The following VGLL4 variants were observed in gnomAD, a reference collection of about 807,000 sequenced individuals.
The protein encoded by VGLL4 is vestigial like family member 4.
A neutral mutation model predicts 21.0 loss-of-function variants in VGLL4; 7 were observed. That is an observed-to-expected ratio of 0.33 (90% CI 0.19 to 0.63). The LOEUF is 0.63. Ranked by LOEUF, VGLL4 falls within the 20% of genes least tolerant of loss-of-function variation. The pLI is 0.78. For synonymous variants in VGLL4, 222 were observed against 173.2 expected (o/e 1.28, Z -2.21); for missense variants, 394 against 425.7 (o/e 0.93, Z 0.66).
At chr3:11,589,354 T>A (rs2074431745) in intron 2 of VGLL4, among the ~76,000 whole-genome samples, 1 of 152,022 alleles carries the variant, frequency 6.6e-6, no homozygotes, top group Non-Finnish European at 1.5e-5. Flanking sequence ...TTCCTCAATT[T>A]CTCTGGCCTC....
At chr3:11,697,273 GTT>G (rs376466335) in intron 2 of VGLL4, among the ~76,000 whole-genome samples, 12 of 137,250 alleles carry the variant, frequency 8.7e-5, no homozygotes, top group Non-Finnish European at 7.9e-5. Context: ...GCTAATTGTG[GTT>G]TTTTTTTTTT....
chr3:11,716,168 G>T (rs775444166), intron 1 of VGLL4, among the ~76,000 whole-genome samples: 4 of 151,938 alleles, frequency 2.6e-5, no homozygotes, highest in Non-Finnish European at 4.4e-5. Context: ...CAGGTGTGGT[G>T]GTGGGTGCCT....
intron 2 of VGLL4, chr3:11,702,865 C>G (rs573010384): frequency 3.8e-6 from 4 of 1,060,248 alleles, no homozygotes; most frequent in African/African-American, 1.6e-5. Flanking sequence ...AAATTAACAG[C>G]AAATAGCCAG....
At chr3:11,581,097 T>A (rs577489617) in intron 2 of VGLL4, among the ~76,000 whole-genome samples, 61 of 151,932 alleles carry the variant, frequency 4.0e-4, no homozygotes, top group Middle Eastern at 3.4e-3. Flanking sequence ...AGATAACTCT[T>A]TCTCTGTCGC....
intron 1 of VGLL4, among the ~76,000 whole-genome samples, chr3:11,619,310 C>T (rs537607306): frequency 4.6e-5 from 7 of 152,142 alleles, no homozygotes; most frequent in Non-Finnish European, 8.8e-5. Context: ...AGAAACATAA[C>T]GACAAACATG....
chr3:11,626,298 C>CA (rs1187143058), intron 1 of VGLL4: 6 of 446,140 alleles, frequency 1.3e-5, no homozygotes, highest in Middle Eastern at 3.3e-4. Flanking sequence ...ACAACCTTTC[C>CA]AAAAAAATAC....
chr3:11,646,790 T>C (rs927005153), upstream of VGLL4, among the ~76,000 whole-genome samples: 2 of 152,120 alleles, frequency 1.3e-5, no homozygotes. Flanking sequence ...TTGACTATTG[T>C]AACATTCCCA....
intron 1 of VGLL4, among the ~76,000 whole-genome samples, chr3:11,641,872 T>C (rs775880306): frequency 2.0e-5 from 3 of 152,170 alleles, no homozygotes; most frequent in Non-Finnish European, 4.4e-5. Context: ...CAGGAAAAAC[T>C]AATCTGGTAT....
intron 4 of VGLL4, among the ~76,000 whole-genome samples, 158 bp downstream of exon 4, chr3:11,559,174 G>T (rs1490758110): frequency 6.6e-6 from 1 of 152,220 alleles, no homozygotes; most frequent in East Asian, 1.9e-4. Flanking sequence ...CAAGTCATGC[G>T]CAACGCTAGG....
intron 1 of VGLL4, among the ~76,000 whole-genome samples, chr3:11,638,803 C>T (rs1426943859): frequency 6.6e-6 from 1 of 152,128 alleles, no homozygotes; most frequent in Non-Finnish European, 1.5e-5. Context: ...ACAATGAAGC[C>T]AGGACTCCAC....
rs767025681 is a variant in VGLL4, at chr3:11,604,389, C to T, written c.83-2367G>A. 11 of 956,880 alleles carry T rather than the reference C, an allele frequency of 1.1e-5. 2 individuals carry two copies. The highest frequency in any genetic ancestry group is 1.4e-5 in the Non-Finnish European group (11 of 810,360). The allele number at this position is 956,880 out of a possible 1,614,324, so 59.3% of individuals were successfully genotyped here. On this transcript the variant is annotated intron_variant, in intron 1 of 4. Transcript: ENST00000430365. ...CCATGGCCTCTGCAATCAGACAACG[C>T]CTCATCCTAAGACTGTGCAGCCTCA...
chr3:11,691,519 A>G (rs2076526362), intron 2 of VGLL4, among the ~76,000 whole-genome samples: 1 of 152,166 alleles, frequency 6.6e-6, no homozygotes, highest in African/African-American at 2.4e-5. Flanking sequence ...GCTGATTTCA[A>G]GCTCCCAACG....
intron 1 of VGLL4, among the ~76,000 whole-genome samples, chr3:11,705,100 G>A (rs1464212888): frequency 1.3e-5 from 2 of 152,216 alleles, no homozygotes; most frequent in African/African-American, 4.8e-5. Context: ...AGGACTGAGG[G>A]CTTCGATGGG....
At chr3:11,662,811 C>A (rs187662139) in intron 2 of VGLL4, among the ~76,000 whole-genome samples, 3 of 152,324 alleles carry the variant, frequency 2.0e-5, no homozygotes, top group Admixed American at 1.3e-4. Context: ...GGAGATAAGG[C>A]AGCCATTTTG....
At chr3:11,589,894 G>T (rs2074445172) in intron 2 of VGLL4, among the ~76,000 whole-genome samples, 1 of 152,172 alleles carries the variant, frequency 6.6e-6, no homozygotes, top group Non-Finnish European at 1.5e-5. Context: ...CCTCCCAAAG[G>T]CTTCATCTCT....
chr3:11,690,314 A>G (rs907525014), intron 2 of VGLL4, among the ~76,000 whole-genome samples: 4 of 152,208 alleles, frequency 2.6e-5, no homozygotes, highest in African/African-American at 9.7e-5. Flanking sequence ...TAATACTATT[A>G]CAGATGTTTT....
intron 2 of VGLL4, among the ~76,000 whole-genome samples, chr3:11,578,973 T>C (rs1016856642): frequency 6.6e-5 from 10 of 151,996 alleles, no homozygotes; most frequent in South Asian, 2.1e-4. Flanking sequence ...TGGTCTCAAT[T>C]TCCTGACCTC....
At chr3:11,676,443 T>C (rs2076294111) in intron 2 of VGLL4, among the ~76,000 whole-genome samples, 1 of 149,928 alleles carries the variant, frequency 6.7e-6, no homozygotes, top group Non-Finnish European at 1.5e-5. Flanking sequence ...ATAATAATAA[T>C]TTTACAACAC....
chr3:11,642,000 T>G (rs192505837), intron 1 of VGLL4, among the ~76,000 whole-genome samples: 32 of 151,498 alleles, frequency 2.1e-4, no homozygotes, highest in African/African-American at 7.3e-4. Context: ...TTTTCTTTCT[T>G]GTTGGGGGAA....
Sources: gnomAD v4.1 joint callset for allele counts (sites outside exome capture counted in the v4.1 genomes callset) on GRCh38, gnomAD v4.1.1 for gene constraint, MANE v1.5 for transcripts, NCBI Gene and HGNC (gene_info 2026-07-23, HGNC 2026-07-21) for gene names.